Variants in DDX42 observed in about 807,000 individuals in gnomAD.
DDX42 encodes DEAD-box helicase 42.
A neutral mutation model predicts 101.5 loss-of-function variants in DDX42; 22 were observed. The ratio of observed to expected loss-of-function variants is 0.22; its 90% CI spans 0.15 to 0.31. DDX42 has a LOEUF of 0.31. DDX42 is among the 10% of genes least tolerant of loss of function. The pLI, the probability that DDX42 is intolerant of heterozygous loss-of-function variation, is 1.00. For missense variants in DDX42, 849 were observed against 1,199.9 expected, an observed-to-expected ratio of 0.71 and a Z score of 4.32; for synonymous variants, 402 against 401.2, an observed-to-expected ratio of 1.00 and a Z score of -0.02.
intron 15 of DDX42, among the ~76,000 whole-genome samples, chr17:63,813,974 T>C (rs2039944186): frequency 6.6e-6 from 1 of 151,992 alleles, no homozygotes; most frequent in East Asian, 1.9e-4. Flanking sequence ...CAAGCAGTTG[T>C]GATTACAGGC....
chr17:63,787,846 A>G (rs963902620), intron 2 of DDX42, among the ~76,000 whole-genome samples: 2 of 152,166 alleles, frequency 1.3e-5, no homozygotes, highest in Non-Finnish European at 2.9e-5. Flanking sequence ...CATCTCAGAA[A>G]AAAACCAAAA....
chr17:63,796,154 G>A (rs1426271509), intron 3 of DDX42, among the ~76,000 whole-genome samples: 3 of 152,100 alleles, frequency 2.0e-5, no homozygotes, highest in Admixed American at 1.3e-4. Context: ...AGAGAATCTG[G>A]TCTCGTTATT....
In DDX42 at chr17:63,808,912, C is replaced by T. The variant is rs2039875878; in HGVS notation, c.1116C>T (p.Ala372=). The T allele has an allele frequency of 6.2e-7, 1 of 1,613,900 alleles. No individual in the cohort carries two copies. The highest frequency in any genetic ancestry group is 1.3e-5 in the African/African-American group (1 of 75,000). The change falls in exon 10 of 18, where the codon GCC becomes GCT. Residue 372 remains alanine (A), a synonymous_variant. Coordinates refer to ENST00000389924, the MANE Select transcript of DDX42 (RefSeq NM_203499.3). ...GGAGTATGTGGGAGCAGGCCAAGGC[C>T]CTTCAGGAGGGGGCAGAGATTGTTG... ...GGGSMWEQAK[A]LQEGAEIVVC...
chr17:63,798,926 A>C (rs2039726969), intron 4 of DDX42, among the ~76,000 whole-genome samples: 1 of 152,174 alleles, frequency 6.6e-6, no homozygotes. Context: ...TTGCCTTAGG[A>C]ATAGCAAGCG....
At chr17:63,775,281 T>C (rs1281589210) in intron 1 of DDX42, 2 of 152,634 alleles carry the variant, frequency 1.3e-5, no homozygotes, top group Non-Finnish European at 2.9e-5. Flanking sequence ...TGTAGCCTAA[T>C]GTGCAATTCG....
chr17:63,814,451 GAAT>G (rs768999649), intron 15 of DDX42, among the ~76,000 whole-genome samples: 15 of 152,198 alleles, frequency 9.9e-5, no homozygotes, highest in African/African-American at 2.9e-4. Flanking sequence ...GGAGAGAAGA[GAAT>G]AATGTTTCCT....
At position 63,817,999 on chromosome 17, in the gene DDX42, AAG is replaced by A; in HGVS notation, c.2426_2427del (p.Arg809IlefsTer3). 1 of 1,614,134 alleles carries A rather than the reference AAG, an allele frequency of 6.2e-7. No homozygotes were observed. Among genetic ancestry groups the A allele is most frequent in the Non-Finnish European group, 8.5e-7 (1 of 1,180,024 alleles). ...AAGGGACTGGGGGCAGCAACGGGAA[AAG>A]AGAGAGATATACTGAGAACCGGGGC... ...REGTGGSNGK[R>X]ERYTENRGSS... On this transcript the variant is annotated frameshift_variant, in exon 18 of 18. Coordinates refer to ENST00000389924, the MANE Select transcript of DDX42 (RefSeq NM_203499.3). LOFTEE classifies it high-confidence loss of function.
At chr17:63,804,939 T>G (rs2039820572) in intron 6 of DDX42, 132 bp from the exon 7 acceptor site, 3 of 1,128,310 alleles carry the variant, frequency 2.7e-6, no homozygotes, top group South Asian at 1.7e-5. Flanking sequence ...GAGAATAAAT[T>G]AATTTTTTTG....
At chr17:63,807,421 G>T (rs939927447) in intron 8 of DDX42, among the ~76,000 whole-genome samples, 16 of 152,234 alleles carry the variant, frequency 1.1e-4, no homozygotes, top group African/African-American at 7.2e-5. Flanking sequence ...GATTACAGGC[G>T]TGAGCCACTG....
At chr17:63,786,785 C>G (rs989569546) in intron 1 of DDX42, among the ~76,000 whole-genome samples, 10 of 152,192 alleles carry the variant, frequency 6.6e-5, no homozygotes, top group African/African-American at 2.4e-4. Flanking sequence ...TCAAGTGATT[C>G]TTATGCCTCA....
intron 2 of DDX42, among the ~76,000 whole-genome samples, chr17:63,789,556 T>G (rs2039596730): frequency 3.7e-5 from 1 of 27,070 alleles, no homozygotes; most frequent in Non-Finnish European, 6.7e-5. Context: ...CTTTTTTGTT[T>G]TTGTTTTTGT....
intron 6 of DDX42, among the ~76,000 whole-genome samples, chr17:63,800,889 CT>C (rs1407380147): frequency 6.7e-6 from 1 of 150,042 alleles, no homozygotes; most frequent in Non-Finnish European, 1.5e-5. Context: ...TCTTTCTTTT[CT>C]TTCTTTCTCT....
At chr17:63,810,395 G>A (rs2039895522) in intron 11 of DDX42, 118 bp from the exon 12 acceptor site, 8 of 1,046,622 alleles carry the variant, frequency 7.6e-6, no homozygotes, top group South Asian at 1.5e-5. Flanking sequence ...CTGGCCTGGG[G>A]TTTCTAATTT....
At chr17:63,811,290 A>G (rs1358428817) in intron 13 of DDX42, 117 bp downstream of exon 13, 6 of 773,970 alleles carry the variant, frequency 7.8e-6, no homozygotes, top group Non-Finnish European at 7.8e-6. Context: ...TATAGATGCA[A>G]CATGCTTGAG....
At chr17:63,804,894 A>G in intron 6 of DDX42, 177 bp from the exon 7 acceptor site, 1 of 727,512 alleles carries the variant, frequency 1.4e-6, no homozygotes, top group African/African-American at 1.8e-5. Flanking sequence ...ATAGGAACAG[A>G]AAACAAACTA....
At chr17:63,789,557 TTG>T (rs1406378860) in intron 2 of DDX42, among the ~76,000 whole-genome samples, 2 of 24,330 alleles carry the variant, frequency 8.2e-5, no homozygotes, top group African/African-American at 8.2e-4. Context: ...TTTTTTGTTT[TTG>T]TTTTTGTTTT....
chr17:63,802,749 A>G (rs915064787), intron 6 of DDX42, among the ~76,000 whole-genome samples: 3 of 152,046 alleles, frequency 2.0e-5, no homozygotes, highest in Admixed American at 2.0e-4. Flanking sequence ...CATCTCTACT[A>G]AAAATACAGA....
In DDX42 at chr17:63,809,478, C is replaced by T; in HGVS notation, c.1153-82C>T. On this transcript the variant is annotated intron_variant, in intron 10 of 17. Transcript: ENST00000389924. ...ACAGTCTGAGACTAGAGAATTAGCA[C>T]TTTTGCCAGGAGTGCAACTGCTTAG... 6.3e-6 allele frequency: 7 copies of T among 1,109,428 alleles called. No homozygotes were observed. In the South Asian group the frequency reaches 9.1e-5, roughly 14 times the overall value. The allele number at this position is 1,109,428 out of a possible 1,614,324, so 68.7% of individuals were successfully genotyped here.
chr17:63,806,632 A>G lies in DDX42; in HGVS notation c.824A>G (p.Gln275Arg). The G allele has an allele frequency of 6.2e-7, 1 of 1,613,534 alleles. No individual in the cohort carries two copies. Among genetic ancestry groups the G allele is most frequent in the Non-Finnish European group, 8.5e-7 (1 of 1,179,840 alleles). The part of the protein sequence containing the change: ...MHQIRKSEYT[Q>R]PTPIQCQGVP... ...CAGATTCGGAAATCTGAATACACAC[A>G]GCCCACTCCAATACAGTGCCAGGTA... The change falls in exon 8 of 18, where the codon CAG (glutamine) becomes CGG (arginine). Residue 275 changes from glutamine (Q) to arginine (R), a missense_variant. Physicochemically the swap from Gln to Arg is conservative, Grantham distance 43. Around this residue, in one of 5 missense-constraint regions of DDX42, gnomAD observed 370 missense variants for 608.8 expected, o/e 0.61. Coordinates refer to ENST00000389924, the MANE Select transcript of DDX42 (RefSeq NM_203499.3).
Sources: allele counts gnomAD v4.1 joint callset (sites outside exome capture counted in the v4.1 genomes callset), GRCh38; gene constraint gnomAD v4.1.1; regional missense constraint gnomAD v4.1.1; transcripts MANE v1.5; gene names NCBI Gene and HGNC (gene_info 2026-07-23, HGNC 2026-07-21).